Variants in NTN1 observed in about 807,000 individuals in gnomAD.
The protein encoded by NTN1 is netrin 1.
NTN1 carries 11 observed loss-of-function variants against 54.2 expected under a neutral mutation model. The observed-to-expected ratio is 0.20, with a 90% CI of 0.13 to 0.34. The LOEUF is 0.34. Among genes scored for constraint, NTN1 ranks in the 10% least tolerant of loss-of-function variants. The pLI is 1.00. For synonymous variants in NTN1, 371 were observed against 382.0 expected, an observed-to-expected ratio of 0.97 and a Z score of 0.33; for missense variants, 740 against 893.1, an observed-to-expected ratio of 0.83 and a Z score of 2.18.
intron 2 of NTN1, among the ~76,000 whole-genome samples, chr17:9,124,817 G>A (rs887444186): frequency 6.6e-6 from 1 of 152,178 alleles, no homozygotes; most frequent in Non-Finnish European, 1.5e-5. Context: ...TTTACACCCC[G>A]ATCTGCCTCT....
chr17:9,221,132 A>C lies in NTN1; in HGVS notation c.1412-36A>C. On this transcript the variant is annotated intron_variant, in intron 5 of 6. Transcript: ENST00000173229. This position sits in a 1 kb window ranked among gnomAD's most constrained non-coding sequence, Gnocchi z 4.5. Reference sequence around the variant, plus strand: ...CAGCCTATTCATCGCCAGCCTAATTAGTTTTTGTCTGTGCTCCCCCCCCAC... The same window carrying C: ...CAGCCTATTCATCGCCAGCCTAATTCGTTTTTGTCTGTGCTCCCCCCCCAC... The C allele has an allele frequency of 7.1e-7, 1 of 1,408,044 alleles. No homozygotes were observed. Among genetic ancestry groups the C allele is most frequent in the South Asian group, 1.2e-5 (1 of 86,904 alleles). 87.2% of individuals were successfully genotyped at this position (1,408,044 alleles called of 1,614,324 possible).
the NTN1 span, among the ~76,000 whole-genome samples, chr17:9,003,259 T>G: frequency 1.3e-5 from 2 of 150,346 alleles, no homozygotes; most frequent in African/African-American, 4.9e-5. The surrounding 1 kb of genome is among the most constrained non-coding windows in gnomAD (Gnocchi z 7.4). Flanking sequence ...CAAGTTTTCT[T>G]GAAGGCCTCG....
intron 2 of NTN1, among the ~76,000 whole-genome samples, chr17:9,061,384 C>G (rs762294130): frequency 6.6e-6 from 1 of 152,142 alleles, no homozygotes; most frequent in Non-Finnish European, 1.5e-5. Context: ...GTCAATGAGA[C>G]AGTTGGCTGG....
chr17:9,062,931 G>A (rs548393855), intron 2 of NTN1, among the ~76,000 whole-genome samples: 3 of 152,238 alleles, frequency 2.0e-5, no homozygotes, highest in African/African-American at 7.2e-5. Context: ...AGAATGTGTT[G>A]TATGCCTATC....
chr17:9,187,533 C>T (rs1001235051), intron 5 of NTN1, among the ~76,000 whole-genome samples: 1 of 151,852 alleles, frequency 6.6e-6, no homozygotes, highest in African/African-American at 2.4e-5. Context: ...AATGAATGGC[C>T]AGGTGCGGTG....
chr17:9,226,171 G>GGGGC (rs1555578672), intron 6 of NTN1, among the ~76,000 whole-genome samples: 1 of 147,534 alleles, frequency 6.8e-6, no homozygotes, highest in Non-Finnish European at 1.5e-5. Context: ...TCGGGGGGGG[G>GGGGC]CCTCAGTGCC....
rs534098212 is a variant in NTN1 at position 9,083,529 on chromosome 17, G to A, written c.1018+60138G>A. Among the ~76,000 whole-genome samples the A allele has an allele frequency of 6.1e-4, 93 of 152,382 alleles. 1 individual carries two copies. The South Asian group carries it at 0.013, about 21-fold the overall frequency. Reference sequence around the variant, plus strand: ...ATGTGACCTGGTTTGGTCTAATGAAGCATGAAGGGACATTGGCTGAAGGCT... The same window carrying A: ...ATGTGACCTGGTTTGGTCTAATGAAACATGAAGGGACATTGGCTGAAGGCT... On this transcript the variant is annotated intron_variant, in intron 2 of 6. Coordinates refer to ENST00000173229, the MANE Select transcript of NTN1 (RefSeq NM_004822.3).
the NTN1 span, among the ~76,000 whole-genome samples, chr17:9,012,142 G>A: frequency 6.6e-6 from 1 of 152,086 alleles, no homozygotes; most frequent in African/African-American, 2.4e-5. Flanking sequence ...CCCCATCAAA[G>A]TCTGCAAGGC....
At chr17:9,122,925 C>T (rs2092235848) in intron 2 of NTN1, among the ~76,000 whole-genome samples, 1 of 152,132 alleles carries the variant, frequency 6.6e-6, no homozygotes, top group South Asian at 2.1e-4. Context: ...TGTACCATGA[C>T]TCCGTTAATC....
chr17:9,161,009 A>G (rs1437408351), intron 2 of NTN1, among the ~76,000 whole-genome samples: 1 of 152,260 alleles, frequency 6.6e-6, no homozygotes, highest in Non-Finnish European at 1.5e-5. Flanking sequence ...GAAATTCCAT[A>G]AAACGTGATT....
At chr17:9,106,718 T>G (rs1018514713) in intron 2 of NTN1, among the ~76,000 whole-genome samples, 4 of 152,164 alleles carry the variant, frequency 2.6e-5, no homozygotes, top group African/African-American at 9.7e-5. Context: ...TTTCACCATG[T>G]TGGCCAGGCT....
In NTN1 at chr17:9,219,234, C is replaced by A. The variant is rs905693910; in HGVS notation, c.1412-1934C>A. On this transcript the variant is annotated intron_variant, in intron 5 of 6. Coordinates refer to ENST00000173229, the MANE Select transcript of NTN1 (RefSeq NM_004822.3). This position sits in a 1 kb window ranked among gnomAD's most constrained non-coding sequence, Gnocchi z 4.5. Reference sequence around the variant, plus strand: ...GTGTTTGGGCTGCCGTCACTTTCATCCCAACCTCTCAGGCTTGGCCACAGT... The same window carrying A: ...GTGTTTGGGCTGCCGTCACTTTCATACCAACCTCTCAGGCTTGGCCACAGT... 6.6e-6 allele frequency among the ~76,000 whole-genome samples: 1 copy of A among 152,144 alleles called. No homozygotes were observed. Among genetic ancestry groups the A allele is most frequent in the Non-Finnish European group, 1.5e-5 (1 of 68,024 alleles).
At chr17:9,166,340 CT>C (rs34345156) in intron 3 of NTN1, among the ~76,000 whole-genome samples, 6,764 of 112,884 alleles carry the variant, frequency 0.06, 133 homozygotes, top group Non-Finnish European at 0.087. Flanking sequence ...CAGGCTCTGG[CT>C]TTTTTTTTTT....
chr17:9,186,366 G>C (rs1009790362), intron 5 of NTN1, among the ~76,000 whole-genome samples: 1 of 152,220 alleles, frequency 6.6e-6, no homozygotes, highest in Non-Finnish European at 1.5e-5. Flanking sequence ...GCCTTTGATG[G>C]CCTCCTTGGT....
intron 2 of NTN1, among the ~76,000 whole-genome samples, chr17:9,151,971 C>T (rs949255648): frequency 5.3e-5 from 8 of 152,142 alleles, no homozygotes; most frequent in East Asian, 3.9e-4. Flanking sequence ...TAGCCAATCG[C>T]GGGGAGGATT....
At chr17:9,201,157 T>C (rs995372027) in intron 5 of NTN1, among the ~76,000 whole-genome samples, 2 of 152,226 alleles carry the variant, frequency 1.3e-5, no homozygotes, top group African/African-American at 4.8e-5. Context: ...CGTAGGAGGC[T>C]GCTGGCAGGT....
intron 5 of NTN1, among the ~76,000 whole-genome samples, chr17:9,191,066 T>C (rs1032829071): frequency 1.1e-4 from 17 of 152,190 alleles, no homozygotes; most frequent in African/African-American, 4.1e-4. Flanking sequence ...TTAAATGTTC[T>C]AGAATAAAAT....
At chr17:9,123,453 T>C (rs1359528603) in intron 2 of NTN1, among the ~76,000 whole-genome samples, 1 of 152,238 alleles carries the variant, frequency 6.6e-6, no homozygotes, top group Non-Finnish European at 1.5e-5. Flanking sequence ...TTAAAATGTA[T>C]GGTGCTTTTT....
At chr17:9,193,704 C>T (rs1286119494) in intron 5 of NTN1, among the ~76,000 whole-genome samples, 3 of 151,860 alleles carry the variant, frequency 2.0e-5, no homozygotes, top group Non-Finnish European at 4.4e-5. Flanking sequence ...AGGTGGATCA[C>T]CTGAGGTCGG....
Sources: gnomAD v4.1 joint callset for allele counts (sites outside exome capture counted in the v4.1 genomes callset) on GRCh38, gnomAD v4.1.1 for gene constraint, Gnocchi (gnomAD v3.1) non-coding constraint, MANE v1.5 for transcripts, NCBI Gene and HGNC (gene_info 2026-07-23, HGNC 2026-07-21) for gene names.